The following LRRTM4 variants were observed in gnomAD, a reference collection of about 807,000 sequenced individuals.
LRRTM4 encodes leucine-rich repeat transmembrane neuronal protein 4.
A neutral mutation model predicts 47.6 loss-of-function variants in LRRTM4; 25 were observed. The observed-to-expected ratio is 0.53, with a 90% confidence interval of 0.38 to 0.73. LRRTM4 has a LOEUF of 0.73. Among genes scored for constraint, LRRTM4 ranks in the 30% least tolerant of loss-of-function variants. LRRTM4 has a pLI of 0.00. For missense variants in LRRTM4, 638 were observed against 713.4 expected (o/e 0.89, Z 1.20); for synonymous variants, 311 against 269.5 (o/e 1.15, Z -1.51).
intron 3 of LRRTM4, among the ~76,000 whole-genome samples, chr2:76,777,208 GT>G (rs1674062025): frequency 6.6e-6 from 1 of 150,726 alleles, no homozygotes; most frequent in South Asian, 2.2e-4. Context: ...ATCCAGCTTT[GT>G]TCTTTTGGCT....
intron 3 of LRRTM4, among the ~76,000 whole-genome samples, chr2:77,507,257 G>A (rs977576125): frequency 1.3e-5 from 2 of 151,924 alleles, no homozygotes; most frequent in South Asian, 2.1e-4. Context: ...AAACATTGTA[G>A]GATAAAATCA....
Position 77,360,547 on chromosome 2 carries a change from T to A in LRRTM4, c.1551+157771A>T, listed in dbSNP as rs895352731. ...GATACGATACGATACAATACAATCA[T>A]TCATACATACATACATACATACATA... On this transcript the variant is annotated intron_variant, in intron 3 of 3. Coordinates refer to ENST00000409884, the MANE Select transcript of LRRTM4 (RefSeq NM_001134745.3). 8.3e-3 allele frequency among the ~76,000 whole-genome samples: 1,111 copies of A among 133,326 alleles called. 9 individuals are homozygous for A. Among genetic ancestry groups the A allele is most frequent in the Middle Eastern group, 0.019 (5 of 260 alleles). 87.5% of individuals were successfully genotyped at this position (133,326 alleles called of 152,430 possible). A position where few individuals can be genotyped will look rare whatever the true frequency, so the allele number is the denominator to read the frequency against.
At chr2:77,148,894 T>C (rs563539567) in intron 3 of LRRTM4, among the ~76,000 whole-genome samples, 4 of 152,202 alleles carry the variant, frequency 2.6e-5, no homozygotes, top group Non-Finnish European at 5.9e-5. Flanking sequence ...GTTGACTAAA[T>C]GTGGCAAGAT....
intron 3 of LRRTM4, among the ~76,000 whole-genome samples, chr2:77,224,598 AAC>A (rs1674747419): frequency 6.6e-6 from 1 of 152,236 alleles, no homozygotes; most frequent in Admixed American, 6.5e-5. Context: ...GCAGCCAAAA[AAC>A]ACATAAAAAA....
chr2:77,066,367 G>GT (rs1679954314), intron 3 of LRRTM4, among the ~76,000 whole-genome samples: 1 of 152,146 alleles, frequency 6.6e-6, no homozygotes, highest in Non-Finnish European at 1.5e-5. Context: ...AGTAAACATT[G>GT]TAAAAACAAA....
At chr2:77,046,381 T>C (rs1485722131) in intron 3 of LRRTM4, among the ~76,000 whole-genome samples, 2 of 152,014 alleles carry the variant, frequency 1.3e-5, no homozygotes, top group African/African-American at 2.4e-5. Flanking sequence ...CAGATTTTTT[T>C]TCTAGAAAAA....
At chr2:76,785,843 A>G (rs1674642305) in intron 3 of LRRTM4, among the ~76,000 whole-genome samples, 1 of 152,168 alleles carries the variant, frequency 6.6e-6, no homozygotes, top group Non-Finnish European at 1.5e-5. Flanking sequence ...GTATTTTAAA[A>G]GACAAGGATC....
At chr2:77,321,998 G>A (rs1677807179) in intron 3 of LRRTM4, among the ~76,000 whole-genome samples, 1 of 152,156 alleles carries the variant, frequency 6.6e-6, no homozygotes, top group South Asian at 2.1e-4. Flanking sequence ...ATGAAATTCT[G>A]AGCTGTAGGA....
chr2:76,885,483 G>GA (rs1673045533), intron 3 of LRRTM4, among the ~76,000 whole-genome samples: 1 of 124,982 alleles, frequency 8.0e-6, no homozygotes, highest in Admixed American at 8.9e-5. Flanking sequence ...TTTTTTTTGA[G>GA]ACGAAGTCTC....
chr2:76,957,394 G>A (rs1312494222), intron 3 of LRRTM4, among the ~76,000 whole-genome samples: 1 of 151,632 alleles, frequency 6.6e-6, no homozygotes, highest in Non-Finnish European at 1.5e-5. Flanking sequence ...AAAGGTGAAT[G>A]TCATATTATA....
chr2:77,154,492 G>A (rs569377873), intron 3 of LRRTM4, among the ~76,000 whole-genome samples: 2 of 152,140 alleles, frequency 1.3e-5, no homozygotes, highest in South Asian at 2.1e-4. Flanking sequence ...CATGGACATA[G>A]GAAAATGGGC....
Position 77,521,600 on chromosome 2 carries a change from C to T in LRRTM4, c.4+68G>A, listed in dbSNP as rs907320583. On this transcript the variant is annotated intron_variant, in intron 2 of 3. Transcript: ENST00000409884. Reference sequence around the variant, plus strand: ...TTTCCCCGTCTTTTATCTGCTAATGCCACGACTGAGGATAGGAAGCCAAGA... The same window carrying T: ...TTTCCCCGTCTTTTATCTGCTAATGTCACGACTGAGGATAGGAAGCCAAGA... The T allele has an allele frequency of 1.1e-5, 18 of 1,595,054 alleles. No individual in the cohort carries two copies. The African/African-American group carries it at 2.0e-4, about 18-fold the overall frequency.
At chr2:77,468,510 C>A (rs923478249) in intron 3 of LRRTM4, among the ~76,000 whole-genome samples, 2 of 152,172 alleles carry the variant, frequency 1.3e-5, no homozygotes, top group African/African-American at 4.8e-5. Context: ...TACTGGAAAT[C>A]TTCAAATATT....
chr2:77,007,406 T>G (rs1677697175), intron 3 of LRRTM4, among the ~76,000 whole-genome samples: 2 of 152,184 alleles, frequency 1.3e-5, no homozygotes, highest in South Asian at 4.1e-4. Flanking sequence ...GTCATGCATG[T>G]AAAATTTGCT....
chr2:77,173,866 A>G (rs1385410824), intron 3 of LRRTM4, among the ~76,000 whole-genome samples: 3 of 152,268 alleles, frequency 2.0e-5, no homozygotes, highest in Non-Finnish European at 1.5e-5. Context: ...TGTTTGGAGC[A>G]GTACTATTAT....
At chr2:77,056,529 A>C (rs957376880) in intron 3 of LRRTM4, among the ~76,000 whole-genome samples, 1 of 152,140 alleles carries the variant, frequency 6.6e-6, no homozygotes, top group Non-Finnish European at 1.5e-5. Context: ...TAAAATCAAT[A>C]AAAGGATAAA....
At chr2:76,792,498 G>C (rs1423808360) in intron 3 of LRRTM4, among the ~76,000 whole-genome samples, 1 of 152,160 alleles carries the variant, frequency 6.6e-6, no homozygotes, top group African/African-American at 2.4e-5. Context: ...AGAGTTTGTA[G>C]TATATTAGGA....
At chr2:76,754,143 A>G (rs1672946632) in intron 3 of LRRTM4, among the ~76,000 whole-genome samples, 1 of 152,188 alleles carries the variant, frequency 6.6e-6, no homozygotes, top group Non-Finnish European at 1.5e-5. Flanking sequence ...CAGATAAAGA[A>G]TTCAATGCAG....
chr2:77,473,849 G>A (rs771618350), intron 3 of LRRTM4, among the ~76,000 whole-genome samples: 1 of 152,068 alleles, frequency 6.6e-6, no homozygotes, highest in Admixed American at 6.6e-5. Flanking sequence ...CATTTTCTTT[G>A]GCAGGTGGAA....
Sources: gnomAD v4.1 joint callset for allele counts (sites outside exome capture counted in the v4.1 genomes callset) on GRCh38, gnomAD v4.1.1 for gene constraint, MANE v1.5 for transcripts, NCBI Gene and HGNC (gene_info 2026-07-23, HGNC 2026-07-21) for gene names.